AGPAT4: variants seen among roughly 807,000 people sequenced by gnomAD.
AGPAT4 encodes the protein 1-acylglycerol-3-phosphate O-acyltransferase 4.
AGPAT4 carries 15 observed loss-of-function variants against 48.0 expected under a neutral mutation model. The ratio of observed to expected loss-of-function variants is 0.31; its 90% CI spans 0.21 to 0.48. AGPAT4 has a LOEUF of 0.48. Ranked by LOEUF, AGPAT4 falls within the 20% of genes least tolerant of loss-of-function variation. The probability of loss-of-function intolerance (pLI) is 0.99; values close to 1 mark genes in which losing one functional copy is unlikely to be tolerated. For missense variants in AGPAT4, 314 were observed against 482.5 expected, an observed-to-expected ratio of 0.65 and a Z score of 3.27; for synonymous variants, 178 against 198.7, an observed-to-expected ratio of 0.90 and a Z score of 0.88.
chr6:161,229,326 C>T lies in AGPAT4; in HGVS notation c.178+2710G>A, dbSNP rs952787873. 6.6e-6 allele frequency among the ~76,000 whole-genome samples: 1 copy of T among 152,094 alleles called. No homozygotes were observed. Among genetic ancestry groups the T allele is most frequent in the African/African-American group, 2.4e-5 (1 of 41,400 alleles). On this transcript the variant is annotated intron_variant, in intron 2 of 8. Coordinates refer to ENST00000320285, the MANE Select transcript of AGPAT4 (RefSeq NM_020133.3). The surrounding 1 kb of genome is among the most constrained non-coding windows in gnomAD (Gnocchi z 6.0). Reference sequence around the variant, plus strand: ...CATACACCAGAAGACACAATTAAAGCCATGAACAGTTTCTATCTTAACTCA... The same window carrying T: ...CATACACCAGAAGACACAATTAAAGTCATGAACAGTTTCTATCTTAACTCA...
At position 161,159,381 on chromosome 6, in the gene AGPAT4, G is replaced by A. The variant is rs1220547581; in HGVS notation, c.349-5071C>T. Reference sequence around the variant, plus strand: ...TGGTTATGATTACCTGTGGCCTTGAGGTGCCCAGAGTCTAGTGGGAAGGGA... The same window carrying A: ...TGGTTATGATTACCTGTGGCCTTGAAGTGCCCAGAGTCTAGTGGGAAGGGA... On this transcript the variant is annotated intron_variant, in intron 3 of 8. Transcript: ENST00000320285. This position sits in a 1 kb window ranked among gnomAD's most constrained non-coding sequence, Gnocchi z 4.1. Among the ~76,000 whole-genome samples the A allele has an allele frequency of 6.6e-6, 1 of 152,146 alleles. No individual in the cohort carries two copies. Among genetic ancestry groups the A allele is most frequent in the Non-Finnish European group, 1.5e-5 (1 of 68,038 alleles).
At position 161,143,163 on chromosome 6, in the gene AGPAT4, T is replaced by A. The variant is rs535974467; in HGVS notation, c.843+3361A>T. 6.6e-6 allele frequency among the ~76,000 whole-genome samples: 1 copy of A among 152,280 alleles called. No individual in the cohort carries two copies. The highest frequency in any genetic ancestry group is 2.1e-4 in the South Asian group (1 of 4,824). On this transcript the variant is annotated intron_variant, in intron 7 of 8. Transcript: ENST00000320285. The surrounding 1 kb of genome is among the most constrained non-coding windows in gnomAD (Gnocchi z 4.7). The stretch of plus-strand genomic sequence containing the variant: ...TCATAGCTCACAGTAACCTTCAACT[T>A]CTAGGCTCAAGCAATCCTCCCACTT...
rs1259525312 is a variant in AGPAT4 at position 161,217,793 on chromosome 6, G to A, written c.178+14243C>T. Among the ~76,000 whole-genome samples, 3 of 152,174 alleles carry A rather than the reference G, an allele frequency of 2.0e-5. No individual in the cohort carries two copies. Among genetic ancestry groups the A allele is most frequent in the East Asian group, 1.9e-4 (1 of 5,190 alleles). On this transcript the variant is annotated intron_variant, in intron 2 of 8. Coordinates refer to ENST00000320285, the MANE Select transcript of AGPAT4 (RefSeq NM_020133.3). The surrounding 1 kb of genome is among the most constrained non-coding windows in gnomAD (Gnocchi z 4.9). ...GCCAGAAACCTCCTCCCCTGACCCC[G>A]CCTGCCCAGGCCACTGCCCTGGGAC...
At position 161,140,710 on chromosome 6, in the gene AGPAT4, G is replaced by T. The variant is rs73786005; in HGVS notation, c.844-1090C>A. 6.6e-6 allele frequency among the ~76,000 whole-genome samples: 1 copy of T among 152,208 alleles called. No homozygotes were observed. The highest frequency in any genetic ancestry group is 1.5e-5 in the Non-Finnish European group (1 of 68,028). ...GTGGCACCAGGATGCCCGCTGGCCC[G>T]TCTAAGGGCAGGTCCTGGCCGTGAG... On this transcript the variant is annotated intron_variant, in intron 7 of 8. Coordinates refer to ENST00000320285, the MANE Select transcript of AGPAT4 (RefSeq NM_020133.3). This position sits in a 1 kb window ranked among gnomAD's most constrained non-coding sequence, Gnocchi z 6.5.
At chr6:161,241,282 A>T (rs1163140503) in intron 1 of AGPAT4, among the ~76,000 whole-genome samples, 1 of 151,794 alleles carries the variant, frequency 6.6e-6, no homozygotes, top group Non-Finnish European at 1.5e-5. Flanking sequence ...AAAAAAAAAA[A>T]AAAATTATCA....
At chr6:161,248,571 CAAAAAAAAA>C (rs35527158) in intron 1 of AGPAT4, among the ~76,000 whole-genome samples, 5 of 63,726 alleles carry the variant, frequency 7.8e-5, no homozygotes, top group Non-Finnish European at 1.5e-4. Flanking sequence ...GACTCTGTCT[CAAAAAAAAA>C]AAAAAAAAAA....
At position 161,238,099 on chromosome 6, in the gene AGPAT4, GGCAGAAT is replaced by G. The variant is rs1340009027; in HGVS notation, c.-89-5804_-89-5798del. Among the ~76,000 whole-genome samples, 3 of 151,748 alleles carry G rather than the reference GGCAGAAT, an allele frequency of 2.0e-5. No individual in the cohort carries two copies. The highest frequency in any genetic ancestry group is 4.4e-5 in the Non-Finnish European group (3 of 67,908). Reference sequence around the variant, plus strand: ...GTAATGGGGGGGTTGGGGGGCGGGAGGCAGAATGCAGCATAGTTGTTGGAGCTTCCGC... The same window carrying G: ...GTAATGGGGGGGTTGGGGGGCGGGAGGCAGCATAGTTGTTGGAGCTTCCGC... On this transcript the variant is annotated intron_variant, in intron 1 of 8. Coordinates refer to ENST00000320285, the MANE Select transcript of AGPAT4 (RefSeq NM_020133.3). This position sits in a 1 kb window ranked among gnomAD's most constrained non-coding sequence, Gnocchi z 5.2.
intron 1 of AGPAT4, among the ~76,000 whole-genome samples, chr6:161,268,923 C>A (rs1783345080): frequency 6.6e-6 from 1 of 152,210 alleles, no homozygotes; most frequent in East Asian, 1.9e-4. Flanking sequence ...AGAGCCACCA[C>A]TAGTTTCTGG....
intron 2 of AGPAT4, among the ~76,000 whole-genome samples, chr6:161,173,844 A>G (rs1780350787): frequency 6.6e-6 from 1 of 152,222 alleles, no homozygotes; most frequent in Non-Finnish European, 1.5e-5. Context: ...GAAGGGATCC[A>G]GTTTCAGCTT....
At position 161,214,065 on chromosome 6, in the gene AGPAT4, C is replaced by T. The variant is rs1781583199; in HGVS notation, c.178+17971G>A. ...ATCCCTCTGCTCACTGAGATAAATGCATATCTTACTGCCTCCTTTGGAGAG... is the reference window on the plus strand; with the variant it reads ...ATCCCTCTGCTCACTGAGATAAATGTATATCTTACTGCCTCCTTTGGAGAG... On this transcript the variant is annotated intron_variant, in intron 2 of 8. Coordinates refer to ENST00000320285, the MANE Select transcript of AGPAT4 (RefSeq NM_020133.3). The surrounding 1 kb of genome is among the most constrained non-coding windows in gnomAD (Gnocchi z 5.4). Among the ~76,000 whole-genome samples, 1 of 152,180 alleles carries T rather than the reference C, an allele frequency of 6.6e-6. No individual in the cohort carries two copies. Among genetic ancestry groups the T allele is most frequent in the African/African-American group, 2.4e-5 (1 of 41,444 alleles).
intron 2 of AGPAT4, among the ~76,000 whole-genome samples, chr6:161,199,974 G>A (rs764585453): frequency 6.6e-6 from 1 of 152,174 alleles, no homozygotes; most frequent in African/African-American, 2.4e-5. Context: ...GAGAACAACG[G>A]CTTGTTCCTT....
intron 7 of AGPAT4, among the ~76,000 whole-genome samples, chr6:161,145,258 C>A (rs1779386545): frequency 6.6e-6 from 1 of 151,670 alleles, no homozygotes; most frequent in Non-Finnish European, 1.5e-5. Context: ...CTACCTCTAA[C>A]CTGCAGAGAC....
At chr6:161,185,416 A>G (rs2114996523) in intron 2 of AGPAT4, among the ~76,000 whole-genome samples, 1 of 151,576 alleles carries the variant, frequency 6.6e-6, no homozygotes, top group Non-Finnish European at 1.5e-5. Context: ...TGAGCCTCCC[A>G]AGTAGCTGGG....
chr6:161,206,447 C>A lies in AGPAT4; in HGVS notation c.178+25589G>T, dbSNP rs2115014893. Among the ~76,000 whole-genome samples, 1 of 152,294 alleles carries A rather than the reference C, an allele frequency of 6.6e-6. No individual in the cohort carries two copies. The highest frequency in any genetic ancestry group is 2.1e-4 in the South Asian group (1 of 4,828). On this transcript the variant is annotated intron_variant, in intron 2 of 8. Transcript: ENST00000320285. The surrounding 1 kb of genome is among the most constrained non-coding windows in gnomAD (Gnocchi z 4.8). ...ACCTTTGCACAGCAGTAATGAGACA[C>A]CCTTCTCCCATCCAGGTGTCACTGG...
chr6:161,203,167 C>T (rs1048956421), intron 2 of AGPAT4, among the ~76,000 whole-genome samples: 1 of 152,098 alleles, frequency 6.6e-6, no homozygotes, highest in Non-Finnish European at 1.5e-5. Flanking sequence ...GGAATATATC[C>T]TGCATTATCA....
At chr6:161,167,347 T>G (rs1780131909) in intron 2 of AGPAT4, among the ~76,000 whole-genome samples, 1 of 152,152 alleles carries the variant, frequency 6.6e-6, no homozygotes, top group African/African-American at 2.4e-5. Flanking sequence ...TACCTCAGCC[T>G]CCTGAGTAGC....
chr6:161,139,724 C>T lies in AGPAT4; in HGVS notation c.844-104G>A. ...GAATCGCAGAGATACACAGGTGCCA[C>T]CGGGGCTCGGCAGAACTGGGGTCTG... On this transcript the variant is annotated intron_variant, in intron 7 of 8. Coordinates refer to ENST00000320285, the MANE Select transcript of AGPAT4 (RefSeq NM_020133.3). The surrounding 1 kb of genome is among the most constrained non-coding windows in gnomAD (Gnocchi z 9.1). 1 of 1,038,874 alleles carries T rather than the reference C, an allele frequency of 9.6e-7. No homozygotes were observed. The highest frequency in any genetic ancestry group is 1.4e-6 in the Non-Finnish European group (1 of 716,134). 64.4% of individuals were successfully genotyped at this position (1,038,874 alleles called of 1,614,324 possible).
At chr6:161,265,446 G>A (rs954645753) in intron 1 of AGPAT4, among the ~76,000 whole-genome samples, 21 of 148,704 alleles carry the variant, frequency 1.4e-4, no homozygotes, top group African/African-American at 3.7e-4. Flanking sequence ...AGTACCCACC[G>A]CTGGACTGGG....
In AGPAT4 at chr6:161,146,506, G is replaced by T. The variant is rs1562311873; in HGVS notation, c.843+18C>A. The T allele has an allele frequency of 1.9e-6, 3 of 1,612,992 alleles. No individual in the cohort carries two copies. The South Asian group carries it at 3.3e-5, about 18-fold the overall frequency. On this transcript the variant is annotated intron_variant, in intron 7 of 8. Transcript: ENST00000320285. This position sits in a 1 kb window ranked among gnomAD's most constrained non-coding sequence, Gnocchi z 7.1. ...ACAGCTGCAACGTGAAGGGACCCCT[G>T]GCACCCAGTGCACTGACCTTCTCCT... is the stretch of plus-strand genomic sequence containing the variant.
Sources: gnomAD v4.1 joint callset for allele counts (sites outside exome capture counted in the v4.1 genomes callset) on GRCh38, gnomAD v4.1.1 for gene constraint, Gnocchi (gnomAD v3.1) non-coding constraint, MANE v1.5 for transcripts, NCBI Gene and HGNC (gene_info 2026-07-23, HGNC 2026-07-21) for gene names.